Variants in PPP1R14D observed in about 807,000 individuals in gnomAD.
PPP1R14D encodes protein phosphatase 1 regulatory subunit 14D.
A neutral mutation model predicts 17.1 loss-of-function variants in PPP1R14D; 14 were observed. The ratio of observed to expected loss-of-function variants is 0.82; its 90% CI spans 0.54 to 1.28. The LOEUF is 1.28. PPP1R14D is among the 50% of genes most tolerant of loss of function. The probability of loss-of-function intolerance (pLI) is 0.00; values close to 1 mark genes in which losing one functional copy is unlikely to be tolerated. For missense variants in PPP1R14D, 173 were observed against 179.2 expected (o/e 0.97, Z 0.20); for synonymous variants, 67 against 66.1 (o/e 1.01, Z -0.06).
chr15:40,816,040 C>T (rs1475605974), intron 2 of PPP1R14D, 46 bp from the exon 3 acceptor site: 1 of 1,609,388 alleles, frequency 6.2e-7, no homozygotes, highest in South Asian at 1.1e-5. Flanking sequence ...ACAGCACTTT[C>T]CCGCAAGTCC....
chr15:40,820,373 G>C (rs980498858), intron 1 of PPP1R14D, among the ~76,000 whole-genome samples: 37 of 151,130 alleles, frequency 2.4e-4, no homozygotes, highest in Admixed American at 2.2e-3. Flanking sequence ...TGACCAGGCT[G>C]GTCTCTACCT....
chr15:40,822,601 C>T (rs530766444), intron 1 of PPP1R14D, among the ~76,000 whole-genome samples: 2 of 151,536 alleles, frequency 1.3e-5, no homozygotes, highest in Non-Finnish European at 2.9e-5. Flanking sequence ...TTACGGGTGC[C>T]TACCACGTCC....
chr15:40,817,367 A>AT (rs1890690993), intron 1 of PPP1R14D: 1 of 156,456 alleles, frequency 6.4e-6, no homozygotes, highest in East Asian at 1.9e-4. Context: ...AAAAAAAAAA[A>AT]AAAATTAAAT....
Position 40,815,972 on chromosome 15 carries a change from C to G in PPP1R14D, c.362G>C (p.Arg121Pro). Residue 121 changes from arginine (R) to proline (P), a missense_variant, in exon 3 of 4, where the codon CGC (arginine) becomes CCC (proline). Transcript: ENST00000299174. ...QLEAILGNCP[R>P]PTEAFISELL... ...AAGAACATCCCTTACCTCTGTGGGGCGGGGGCAGTTCCCAAGAATGGCCTA... is the reference window on the plus strand; with the variant it reads ...AAGAACATCCCTTACCTCTGTGGGGGGGGGGCAGTTCCCAAGAATGGCCTA... The G allele has an allele frequency of 1.2e-6, 2 of 1,614,034 alleles. No homozygotes were observed. The highest frequency in any genetic ancestry group is 2.2e-5 in the South Asian group (2 of 91,068).
At chr15:40,816,841 G>A (rs1433644251) in intron 1 of PPP1R14D, among the ~76,000 whole-genome samples, 1 of 152,112 alleles carries the variant, frequency 6.6e-6, no homozygotes, top group Non-Finnish European at 1.5e-5. Context: ...GGAGGCTGAG[G>A]TGGGTGGATT....
intron 1 of PPP1R14D, among the ~76,000 whole-genome samples, chr15:40,823,996 TA>T (rs397943870): frequency 0.011 from 1,441 of 126,288 alleles, 13 homozygotes; most frequent in South Asian, 0.029. Flanking sequence ...CCATCTCCAT[TA>T]AAAAAAAAAA....
intron 1 of PPP1R14D, among the ~76,000 whole-genome samples, chr15:40,821,040 GAA>G (rs1162634254): frequency 1.6e-4 from 17 of 107,508 alleles, no homozygotes; most frequent in Non-Finnish European, 2.8e-4. Flanking sequence ...AAAATAAGAA[GAA>G]AAAAAAAGAA....
At chr15:40,822,930 C>T (rs1890804989) in intron 1 of PPP1R14D, among the ~76,000 whole-genome samples, 1 of 149,866 alleles carries the variant, frequency 6.7e-6, no homozygotes, top group African/African-American at 2.5e-5. Flanking sequence ...TCTCAAGTAG[C>T]TGGGACTACA....
chr15:40,818,118 G>A (rs891676206), intron 1 of PPP1R14D, among the ~76,000 whole-genome samples: 4 of 151,196 alleles, frequency 2.6e-5, no homozygotes, highest in Admixed American at 2.0e-4. Flanking sequence ...GTGAAACCCC[G>A]TCTCTACTAA....
At position 40,823,068 on chromosome 15, in the gene PPP1R14D, G is replaced by A. The variant is rs140917853; in HGVS notation, c.255+5319C>T. Among the ~76,000 whole-genome samples the A allele has an allele frequency of 3.9e-3, 593 of 150,270 alleles. 4 individuals are homozygous for A. Among genetic ancestry groups the A allele is most frequent in the African/African-American group, 0.014 (562 of 40,736 alleles). On this transcript the variant is annotated intron_variant, in intron 1 of 3. Coordinates refer to ENST00000299174, the MANE Select transcript of PPP1R14D (RefSeq NM_017726.8). ...CAACCTCTGTCTCCTGGGTTCAAGC[G>A]ATTCTCCTGCCTTAGCCTCCCAAGC...
At chr15:40,824,644 T>C (rs1392102263) in intron 1 of PPP1R14D, among the ~76,000 whole-genome samples, 2 of 152,122 alleles carry the variant, frequency 1.3e-5, no homozygotes, top group East Asian at 3.9e-4. Flanking sequence ...GCTGGGATCA[T>C]AGACATGAGC....
At position 40,815,556 on chromosome 15, in the gene PPP1R14D, A is replaced by C; in HGVS notation, c.*140T>G. ...TGACAGAAACTAGCTGTGACCACAC[A>C]GACAGTAGGAGTATGCAAATGTCCC... On this transcript the variant is annotated 3_prime_UTR_variant, in exon 4 of 4. Transcript: ENST00000299174. 9.4e-7 allele frequency: 1 copy of C among 1,068,600 alleles called. No homozygotes were observed. Among genetic ancestry groups the C allele is most frequent in the Non-Finnish European group, 1.3e-6 (1 of 754,482 alleles). 66.2% of individuals were successfully genotyped at this position (1,068,600 alleles called of 1,614,324 possible). A position where few individuals can be genotyped will look rare whatever the true frequency, so the allele number is the denominator to read the frequency against.
At chr15:40,821,929 A>AAAAC (rs541600999) in intron 1 of PPP1R14D, among the ~76,000 whole-genome samples, 401 of 152,282 alleles carry the variant, frequency 2.6e-3, no homozygotes, top group Non-Finnish European at 4.5e-3. Context: ...CTGTGTCTCA[A>AAAAC]AAACAAACAA....
chr15:40,815,681 G>T lies in PPP1R14D; in HGVS notation c.*15C>A. 3 of 1,613,688 alleles carry T rather than the reference G, an allele frequency of 1.9e-6. 1 individual carries two copies. Among genetic ancestry groups the T allele is most frequent in the Non-Finnish European group, 2.5e-6 (3 of 1,179,746 alleles). On this transcript the variant is annotated 3_prime_UTR_variant, in exon 4 of 4. Transcript: ENST00000299174. ...GCCTGGCAGTGCTGAGGCTGCTAAAGATGGTCTCTCAGGCTTATTTCTGAG... is the reference window on the plus strand; with the variant it reads ...GCCTGGCAGTGCTGAGGCTGCTAAATATGGTCTCTCAGGCTTATTTCTGAG...
At chr15:40,816,398 C>G in intron 1 of PPP1R14D, 145 bp from the exon 2 acceptor site, 1 of 696,594 alleles carries the variant, frequency 1.4e-6, no homozygotes, top group South Asian at 1.7e-5. Context: ...GTTTTCCATT[C>G]AACAGTAATT....
At chr15:40,816,020 G>A (rs1890654774) in intron 2 of PPP1R14D, 26 bp from the exon 3 acceptor site, 2 of 1,613,588 alleles carry the variant, frequency 1.2e-6, no homozygotes, top group African/African-American at 2.7e-5. Context: ...CACAGACAGG[G>A]CCCCAAGTCA....
Position 40,816,002 on chromosome 15 carries a change from G to A in PPP1R14D, c.340-8C>T. On this transcript the variant is annotated splice_region_variant and splice_polypyrimidine_tract_variant and intron_variant, in intron 2 of 3. Transcript: ENST00000299174. Reference sequence around the variant, plus strand: ...GCAGTTCCCAAGAATGGCCTAGATAGGAGAGAACACAGACAGGGCCCCAAG... The same window carrying A: ...GCAGTTCCCAAGAATGGCCTAGATAAGAGAGAACACAGACAGGGCCCCAAG... 6.2e-7 allele frequency: 1 copy of A among 1,614,078 alleles called. No individual in the cohort carries two copies. The highest frequency in any genetic ancestry group is 1.3e-5 in the African/African-American group (1 of 75,030).
intron 1 of PPP1R14D, among the ~76,000 whole-genome samples, chr15:40,818,434 A>G (rs1890714714): frequency 6.6e-6 from 1 of 152,284 alleles, no homozygotes; most frequent in Non-Finnish European, 1.5e-5. Context: ...AGAATGGAAT[A>G]TTATTCAGTG....
Position 40,815,706 on chromosome 15 carries a change from G to A in PPP1R14D, c.428C>T (p.Pro143Leu), listed in dbSNP as rs200817876. ...GATGGTCTCTCAGGCTTATTTCTGA[G>A]GCCGGCTGAGTCTCCGGAGTTTCTT... ...QLKKLRRLSRPQK is the reference protein window; with the variant it reads ...QLKKLRRLSRLQK Residue 143 changes from proline to leucine, a missense_variant, in exon 4 of 4, where the codon CCT (proline) becomes CTT (leucine). By Grantham distance (98) the Pro-to-Leu change is moderately conservative. Coordinates refer to ENST00000299174, the MANE Select transcript of PPP1R14D (RefSeq NM_017726.8). 1 of 1,613,698 alleles carries A rather than the reference G, an allele frequency of 6.2e-7. No individual in the cohort carries two copies. Among genetic ancestry groups the A allele is most frequent in the East Asian group, 2.2e-5 (1 of 44,898 alleles).
Sources: allele counts gnomAD v4.1 joint callset (sites outside exome capture counted in the v4.1 genomes callset), GRCh38; gene constraint gnomAD v4.1.1; transcripts MANE v1.5; gene names NCBI Gene and HGNC (gene_info 2026-07-23, HGNC 2026-07-21).